The following SORCS3 variants were observed in gnomAD, a reference collection of about 807,000 sequenced individuals.
The protein encoded by SORCS3 is VPS10 domain-containing receptor SorCS3.
Under a neutral mutation model 146.3 loss-of-function variants are expected in SORCS3, and 57 were observed. The observed-to-expected ratio is 0.39, with a 90% CI of 0.31 to 0.49. The LOEUF is 0.49. SORCS3 is among the 20% of genes least tolerant of loss of function. The probability of loss-of-function intolerance (pLI) is 0.92; values close to 1 mark genes in which losing one functional copy is unlikely to be tolerated. For missense variants in SORCS3, 1,341 were observed against 1,575.5 expected (o/e 0.85, Z 2.52); for synonymous variants, 653 against 618.5 (o/e 1.06, Z -0.83).
chr10:104,980,234 T>C (rs2054924575), intron 4 of SORCS3, among the ~76,000 whole-genome samples: 1 of 152,226 alleles, frequency 6.6e-6, no homozygotes, highest in Admixed American at 6.5e-5. Context: ...GTACTCTTTC[T>C]TGTTGACATC....
intron 7 of SORCS3, among the ~76,000 whole-genome samples, chr10:105,122,132 G>A (rs186423236): frequency 1.1e-3 from 167 of 152,304 alleles, no homozygotes; most frequent in Middle Eastern, 0.01. Flanking sequence ...AAAAACAGCA[G>A]TGCTGATAAT....
At chr10:105,016,156 T>TATATATATA (rs1554868994) in intron 4 of SORCS3, among the ~76,000 whole-genome samples, 12 of 74,858 alleles carry the variant, frequency 1.6e-4, no homozygotes, top group South Asian at 4.6e-4. Context: ...TATATATATA[T>TATATATATA]TTTTTTTTTT....
At chr10:104,741,362 C>A (rs1337237576) in intron 1 of SORCS3, among the ~76,000 whole-genome samples, 2 of 151,930 alleles carry the variant, frequency 1.3e-5, no homozygotes, top group African/African-American at 4.8e-5. Flanking sequence ...TCCTGGCAGG[C>A]GTATCTGTCT....
intron 1 of SORCS3, among the ~76,000 whole-genome samples, chr10:104,707,530 C>T (rs76201499): frequency 1.1e-3 from 162 of 152,104 alleles, no homozygotes; most frequent in Non-Finnish European, 1.5e-3. Flanking sequence ...GGGGAATCAA[C>T]GAAGTAGATT....
chr10:104,751,969 A>ATATG (rs3976798), intron 1 of SORCS3, among the ~76,000 whole-genome samples: 6 of 123,354 alleles, frequency 4.9e-5, no homozygotes, highest in African/African-American at 1.5e-4. Context: ...ATATATATAT[A>ATATG]ATAGTTTAGC....
chr10:105,206,713 G>C (rs796570922), intron 16 of SORCS3, among the ~76,000 whole-genome samples: 2 of 152,166 alleles, frequency 1.3e-5, no homozygotes, highest in South Asian at 2.1e-4. Context: ...CTTTGAGACT[G>C]TATTTGGGCT....
chr10:105,138,329 G>C (rs2056072557), intron 7 of SORCS3, among the ~76,000 whole-genome samples: 1 of 152,176 alleles, frequency 6.6e-6, no homozygotes, highest in African/African-American at 2.4e-5. Flanking sequence ...CCCTCCCCGA[G>C]TGAGGAGAGA....
At chr10:105,202,179 C>A (rs1348331450) in intron 16 of SORCS3, among the ~76,000 whole-genome samples, 2 of 152,136 alleles carry the variant, frequency 1.3e-5, no homozygotes, top group African/African-American at 4.8e-5. Flanking sequence ...AAAACTCAAA[C>A]CATATCTTAT....
At chr10:105,151,763 T>C (rs138180479) in intron 9 of SORCS3, among the ~76,000 whole-genome samples, 131 of 152,310 alleles carry the variant, frequency 8.6e-4, no homozygotes, top group African/African-American at 3.1e-3. Context: ...ATTTCAAATC[T>C]GTTGGAGTTG....
chr10:105,024,398 T>C (rs115179175), intron 4 of SORCS3, among the ~76,000 whole-genome samples: 3,006 of 152,232 alleles, frequency 0.02, 75 homozygotes, highest in African/African-American at 0.057. Flanking sequence ...GTTACCAACA[T>C]TGGAGAGGTG....
rs568131621 is a variant in SORCS3, at chr10:104,692,916, G to A, written c.627+50962G>A. 3.3e-5 allele frequency among the ~76,000 whole-genome samples: 5 copies of A among 152,300 alleles called. No homozygotes were observed. The East Asian group carries it at 9.7e-4, about 29-fold the overall frequency. On this transcript the variant is annotated intron_variant, in intron 1 of 26. Transcript: ENST00000369701. The stretch of plus-strand genomic sequence containing the variant: ...ATCTGTTTAAATCTGCAGCTGCTGA[G>A]GGCTGGCCCAAAGATCTGATTCAGC...
At position 104,769,004 on chromosome 10, in the gene SORCS3, C is replaced by G. The variant is rs1333610506; in HGVS notation, c.628-73788C>G. ...GCACCCTCTCTGCAGAATATTGACACAGGCTTCACTTTGTTTCTTCCTTGC... is the reference window on the plus strand; with the variant it reads ...GCACCCTCTCTGCAGAATATTGACAGAGGCTTCACTTTGTTTCTTCCTTGC... On this transcript the variant is annotated intron_variant, in intron 1 of 26. Coordinates refer to ENST00000369701, the MANE Select transcript of SORCS3 (RefSeq NM_014978.3). 2.0e-5 allele frequency among the ~76,000 whole-genome samples: 3 copies of G among 152,212 alleles called. No individual in the cohort carries two copies. In the East Asian group the frequency reaches 5.8e-4, roughly 29 times the overall value.
chr10:105,105,294 A>G (rs915186395), intron 6 of SORCS3, 103 bp from the exon 7 acceptor site: 10 of 661,610 alleles, frequency 1.5e-5, no homozygotes, highest in Non-Finnish European at 2.7e-5. Context: ...GTTATTTTAA[A>G]TTACCTTGTT....
At chr10:104,954,890 T>A (rs2019470815) in intron 3 of SORCS3, among the ~76,000 whole-genome samples, 1 of 152,180 alleles carries the variant, frequency 6.6e-6, no homozygotes, top group African/African-American at 2.4e-5. Context: ...AACATTATCA[T>A]CCTAGTTTTT....
intron 1 of SORCS3, among the ~76,000 whole-genome samples, chr10:104,816,949 C>T (rs770335592): frequency 1.3e-5 from 2 of 152,196 alleles, no homozygotes; most frequent in Non-Finnish European, 2.9e-5. Context: ...GGAGGCCAAG[C>T]CTTCAGCCCG....
chr10:105,026,809 A>G (rs144366613), intron 4 of SORCS3, among the ~76,000 whole-genome samples: 349 of 152,262 alleles, frequency 2.3e-3, no homozygotes, highest in Non-Finnish European at 3.8e-3. Flanking sequence ...TGGGAACAAT[A>G]TATACTGCGG....
chr10:104,796,165 T>C (rs2133504321), intron 1 of SORCS3, among the ~76,000 whole-genome samples: 1 of 152,294 alleles, frequency 6.6e-6, no homozygotes. Context: ...CACATTTGGG[T>C]TTAATAGGTA....
intron 20 of SORCS3, among the ~76,000 whole-genome samples, chr10:105,245,306 G>A (rs1471717933): frequency 6.6e-6 from 1 of 152,068 alleles, no homozygotes; most frequent in African/African-American, 2.4e-5. Context: ...GCAAAATCCA[G>A]GATGCCCAGT....
intron 13 of SORCS3, among the ~76,000 whole-genome samples, chr10:105,170,132 A>C (rs559612619): frequency 1.4e-4 from 22 of 152,292 alleles, no homozygotes; most frequent in Non-Finnish European, 2.5e-4. Context: ...GCAAGAGTAC[A>C]TGGAAGAGAG....
Sources: gnomAD v4.1 joint callset for allele counts (sites outside exome capture counted in the v4.1 genomes callset) on GRCh38, gnomAD v4.1.1 for gene constraint, MANE v1.5 for transcripts, NCBI Gene and HGNC (gene_info 2026-07-23, HGNC 2026-07-21) for gene names.